The following QPCT variants were observed in gnomAD, a reference collection of about 807,000 sequenced individuals.
The protein encoded by QPCT is EC.
Under a neutral mutation model 43.4 loss-of-function variants are expected in QPCT, and 44 were observed. The ratio of observed to expected loss-of-function variants is 1.01; its 90% CI spans 0.80 to 1.30. QPCT has a LOEUF of 1.30. Among genes scored for constraint, QPCT ranks in the 50% most tolerant of loss-of-function variants. The pLI, the probability that QPCT is intolerant of heterozygous loss-of-function variation, is 0.00. For synonymous variants in QPCT, 168 were observed against 168.4 expected, an observed-to-expected ratio of 1.00 and a Z score of 0.02; for missense variants, 526 against 436.5, an observed-to-expected ratio of 1.21 and a Z score of -1.83.
At chr2:37,354,070 G>A (rs1238595391) in intron 2 of QPCT, among the ~76,000 whole-genome samples, 1 of 152,186 alleles carries the variant, frequency 6.6e-6, no homozygotes, top group African/African-American at 2.4e-5. Context: ...TCACCACGTT[G>A]GCCAGGATGG....
At position 37,369,804 on chromosome 2, in the gene QPCT, A is replaced by C. The variant is rs1179219803; in HGVS notation, c.823+20A>C. ...CAATTGGTAAGCACCACTGTTATTA[A>C]TGAATAAAACATCATTTCTTGCTAC... On this transcript the variant is annotated intron_variant, in intron 5 of 6. Transcript: ENST00000338415. 2.6e-6 allele frequency: 4 copies of C among 1,517,152 alleles called. No homozygotes were observed. Among genetic ancestry groups the C allele is most frequent in the East Asian group, 4.5e-5 (2 of 44,376 alleles). 94.0% of individuals were successfully genotyped at this position (1,517,152 alleles called of 1,614,324 possible).
At chr2:37,345,081 G>A (rs1672453871) in intron 1 of QPCT, among the ~76,000 whole-genome samples, 2 of 152,222 alleles carry the variant, frequency 1.3e-5, no homozygotes, top group African/African-American at 4.8e-5. Flanking sequence ...GCTGGGTGAT[G>A]TCACTGGCCT....
intron 1 of QPCT, among the ~76,000 whole-genome samples, chr2:37,349,422 G>A (rs1176172661): frequency 6.6e-6 from 1 of 152,150 alleles, no homozygotes; most frequent in Admixed American, 6.5e-5. Flanking sequence ...GATGCTTGGG[G>A]GAGGGGGCAT....
chr2:37,366,140 A>G (rs1672953974), intron 3 of QPCT, among the ~76,000 whole-genome samples: 1 of 151,758 alleles, frequency 6.6e-6, no homozygotes, highest in African/African-American at 2.4e-5. Flanking sequence ...AGGACCATGA[A>G]AAGGTGAAAC....
chr2:37,371,432 A>AG, intron 5 of QPCT, among the ~76,000 whole-genome samples: 2 of 38,630 alleles, frequency 5.2e-5, no homozygotes, highest in South Asian at 2.1e-3. Flanking sequence ...ACTCCATCTC[A>AG]AAAAAAAAAA....
intron 2 of QPCT, among the ~76,000 whole-genome samples, chr2:37,357,282 CT>C (rs59312382): frequency 0.14 from 17,883 of 128,378 alleles, 3,224 homozygotes; most frequent in African/African-American, 0.43. Context: ...GGAGTATATG[CT>C]TTTTTTTTTT....
intron 6 of QPCT, 38 bp from the exon 7 acceptor site, chr2:37,372,644 G>C: frequency 1.2e-6 from 2 of 1,600,418 alleles, no homozygotes; most frequent in Non-Finnish European, 8.5e-7. Flanking sequence ...ACTCACTGGA[G>C]TAATGCACAT....
intron 1 of QPCT, among the ~76,000 whole-genome samples, chr2:37,350,238 C>A (rs530224265): frequency 1.4e-3 from 210 of 152,280 alleles, no homozygotes; most frequent in Non-Finnish European, 3.5e-4. Context: ...GTGACCGAAG[C>A]ATGGTGAGCA....
At chr2:37,365,997 A>G (rs1227309829) in intron 3 of QPCT, among the ~76,000 whole-genome samples, 1 of 152,188 alleles carries the variant, frequency 6.6e-6, no homozygotes, top group Non-Finnish European at 1.5e-5. Flanking sequence ...TAGGTAGAGT[A>G]TGTTTTTGCC....
At chr2:37,357,005 C>CA (rs1290865213) in intron 2 of QPCT, among the ~76,000 whole-genome samples, 19,233 of 90,396 alleles carry the variant, frequency 0.21, 3,201 homozygotes, top group African/African-American at 0.5. Flanking sequence ...GACTCCGTCT[C>CA]AAAAAAAAAA....
At chr2:37,372,225 T>G in intron 5 of QPCT, 131 bp from the exon 6 acceptor site, 1 of 722,440 alleles carries the variant, frequency 1.4e-6, no homozygotes, top group Non-Finnish European at 2.5e-6. Flanking sequence ...GTGGCCATGC[T>G]TGCTGTTGCA....
At chr2:37,347,230 ACATATATATATATAT>A (rs1672522240) in intron 1 of QPCT, among the ~76,000 whole-genome samples, 3 of 42,836 alleles carry the variant, frequency 7.0e-5, no homozygotes, top group Admixed American at 2.6e-4. Flanking sequence ...TATATATATA[ACATATATATATATAT>A]AACATATATA....
Position 37,344,917 on chromosome 2 carries a change from G to A in QPCT, c.120+66G>A, listed in dbSNP as rs1359062807. 1.5e-5 allele frequency: 22 copies of A among 1,482,372 alleles called. No individual in the cohort carries two copies. In the Admixed American group the frequency reaches 4.9e-4, roughly 33 times the overall value. The allele number at this position is 1,482,372 out of a possible 1,614,324, so 91.8% of individuals were successfully genotyped here. A position where few individuals can be genotyped will look rare whatever the true frequency, so the allele number is the denominator to read the frequency against. On this transcript the variant is annotated intron_variant, in intron 1 of 6. Transcript: ENST00000338415. ...GGTCCGATGCGAGGACCCCTGGCCGGGTCAGCCCTACCTAGGCAGAGCGGG... is the reference window on the plus strand; with the variant it reads ...GGTCCGATGCGAGGACCCCTGGCCGAGTCAGCCCTACCTAGGCAGAGCGGG...
chr2:37,350,293 G>GTAA (rs1376688767), intron 1 of QPCT, among the ~76,000 whole-genome samples: 1 of 152,186 alleles, frequency 6.6e-6, no homozygotes, highest in African/African-American at 2.4e-5. Flanking sequence ...GCAGGGTTGA[G>GTAA]TAATAATTAA....
intron 3 of QPCT, among the ~76,000 whole-genome samples, chr2:37,360,886 C>G (rs1672846877): frequency 6.6e-6 from 1 of 152,132 alleles, no homozygotes; most frequent in African/African-American, 2.4e-5. Context: ...ATGCAAAAGT[C>G]TAATTTTTCA....
intron 2 of QPCT, among the ~76,000 whole-genome samples, chr2:37,353,966 A>G (rs571863303): frequency 5.5e-4 from 83 of 152,154 alleles, no homozygotes; most frequent in African/African-American, 1.9e-3. Flanking sequence ...CTGGGTTCAC[A>G]CTATTCTCCT....
chr2:37,356,422 TCG>T lies in QPCT; in HGVS notation c.268-3157_268-3156del, dbSNP rs1447392395. ...TGTGATCTATATTCTAAATTGCCTTTCGGCACTCCTGGAGGGTCCAGCCCTTT... is the reference window on the plus strand; with the variant it reads ...TGTGATCTATATTCTAAATTGCCTTTGCACTCCTGGAGGGTCCAGCCCTTT... On this transcript the variant is annotated intron_variant, in intron 2 of 6. Transcript: ENST00000338415. Among the ~76,000 whole-genome samples, 11 of 152,310 alleles carry T rather than the reference TCG, an allele frequency of 7.2e-5. No individual in the cohort carries two copies. The East Asian group carries it at 1.9e-3, about 27-fold the overall frequency.
chr2:37,366,455 G>A (rs1279130181), intron 3 of QPCT, among the ~76,000 whole-genome samples: 1 of 152,122 alleles, frequency 6.6e-6, no homozygotes, highest in Non-Finnish European at 1.5e-5. Flanking sequence ...TAAAGTATAG[G>A]CTATTTCAAG....
intron 1 of QPCT, among the ~76,000 whole-genome samples, chr2:37,345,420 C>G (rs72864832): frequency 6.6e-6 from 1 of 152,188 alleles, no homozygotes; most frequent in African/African-American, 2.4e-5. Context: ...ACTTCAAAAG[C>G]CTTTTTCCTC....
Sources: gnomAD v4.1 joint callset for allele counts (sites outside exome capture counted in the v4.1 genomes callset) on GRCh38, gnomAD v4.1.1 for gene constraint, MANE v1.5 for transcripts, NCBI Gene and HGNC (gene_info 2026-07-23, HGNC 2026-07-21) for gene names.